Variants in PLCB1 observed in about 807,000 individuals in gnomAD.
PLCB1 encodes the protein 1-phosphatidylinositol 4,5-bisphosphate phosphodiesterase beta-1.
In PLCB1, 46 loss-of-function variants were observed where a neutral mutation model predicts 161.8. The observed-to-expected ratio is 0.28, with a 90% CI of 0.22 to 0.36. The LOEUF (loss-of-function observed/expected upper bound fraction) is 0.36. PLCB1 is among the 10% of genes least tolerant of loss of function. PLCB1 has a pLI of 1.00. For missense variants in PLCB1, 1,016 were observed against 1,472.5 expected (o/e 0.69, Z 5.07); for synonymous variants, 517 against 503.7 (o/e 1.03, Z -0.35).
intron 3 of PLCB1, among the ~76,000 whole-genome samples, chr20:8,436,180 C>CA (rs1052101226): frequency 6.6e-6 from 1 of 151,906 alleles, no homozygotes; most frequent in Admixed American, 6.6e-5. Context: ...ACTAAAAACA[C>CA]AAAAAAGTTA....
chr20:8,573,088 TAGG>T (rs1004985540), intron 3 of PLCB1, among the ~76,000 whole-genome samples: 40 of 151,962 alleles, frequency 2.6e-4, no homozygotes, highest in Middle Eastern at 3.4e-3. Flanking sequence ...GCCAGAAAAG[TAGG>T]AGGATAGCAG....
intron 11 of PLCB1, among the ~76,000 whole-genome samples, chr20:8,698,377 T>C (rs1393421651): frequency 3.3e-5 from 5 of 152,160 alleles, no homozygotes; most frequent in Non-Finnish European, 2.9e-5. Flanking sequence ...CACTATAGTA[T>C]ACATTATTTT....
At position 8,481,063 on chromosome 20, in the gene PLCB1, C is replaced by G. The variant is rs1473686; in HGVS notation, c.246+109613C>G. Among the ~76,000 whole-genome samples, 165 of 152,284 alleles carry G rather than the reference C, an allele frequency of 1.1e-3. 2 individuals are homozygous for G. The highest frequency in any genetic ancestry group is 3.6e-3 in the African/African-American group (149 of 41,550). On this transcript the variant is annotated intron_variant, in intron 3 of 31. Transcript: ENST00000338037. ...AGGTTGCAGTGAGCCAAGAGCGCACCACTGCACTCCAGCTTGGAGTAGACA... is the reference window on the plus strand; with the variant it reads ...AGGTTGCAGTGAGCCAAGAGCGCACGACTGCACTCCAGCTTGGAGTAGACA...
chr20:8,171,068 G>A (rs1365001616), intron 2 of PLCB1, among the ~76,000 whole-genome samples: 1 of 151,762 alleles, frequency 6.6e-6, no homozygotes, highest in African/African-American at 2.4e-5. Flanking sequence ...TTATATTTTC[G>A]AGTGCTTCCC....
intron 3 of PLCB1, among the ~76,000 whole-genome samples, chr20:8,617,831 A>G (rs1240269978): frequency 6.6e-6 from 1 of 152,224 alleles, no homozygotes; most frequent in African/African-American, 2.4e-5. Flanking sequence ...CGTTTGAGAA[A>G]AAAAGGTTAT....
At chr20:8,332,405 T>A (rs548823927) in intron 2 of PLCB1, among the ~76,000 whole-genome samples, 23 of 152,362 alleles carry the variant, frequency 1.5e-4, no homozygotes, top group African/African-American at 5.5e-4. Context: ...AATTTCAATG[T>A]GATGTATATT....
At chr20:8,191,964 A>G (rs1025053337) in intron 2 of PLCB1, among the ~76,000 whole-genome samples, 1 of 152,058 alleles carries the variant, frequency 6.6e-6, no homozygotes, top group African/African-American at 2.4e-5. Flanking sequence ...ATATTCAGCC[A>G]TAACTGGACC....
intron 9 of PLCB1, among the ~76,000 whole-genome samples, chr20:8,674,558 C>T (rs532953418): frequency 2.6e-5 from 4 of 152,122 alleles, no homozygotes; most frequent in African/African-American, 9.7e-5. Flanking sequence ...TTGAGTGGAC[C>T]GAGGAGGAAC....
chr20:8,154,081 C>T (rs557843330), intron 2 of PLCB1, among the ~76,000 whole-genome samples: 5 of 152,260 alleles, frequency 3.3e-5, no homozygotes, highest in African/African-American at 9.6e-5. Flanking sequence ...TAAATTTGTG[C>T]ATGTGTAACT....
At chr20:8,783,709 G>A (rs1388205590) in intron 27 of PLCB1, among the ~76,000 whole-genome samples, 1 of 152,190 alleles carries the variant, frequency 6.6e-6, no homozygotes, top group African/African-American at 2.4e-5. Flanking sequence ...GCATATTAGT[G>A]TTATTCTTTT....
chr20:8,640,945 G>A (rs1256223728), intron 4 of PLCB1, among the ~76,000 whole-genome samples: 1 of 152,072 alleles, frequency 6.6e-6, no homozygotes, highest in African/African-American at 2.4e-5. Context: ...ATTTGGCAGA[G>A]GAATGTCAAG....
chr20:8,760,672 T>C (rs1490927991), intron 25 of PLCB1, among the ~76,000 whole-genome samples: 1 of 152,240 alleles, frequency 6.6e-6, no homozygotes, highest in African/African-American at 2.4e-5. Context: ...AGAACCCTAC[T>C]GGCATAAAAA....
chr20:8,414,468 A>T (rs994063303), intron 3 of PLCB1, among the ~76,000 whole-genome samples: 2 of 152,218 alleles, frequency 1.3e-5, no homozygotes, highest in Non-Finnish European at 2.9e-5. Context: ...GATGCCTTAG[A>T]CACACCCTCC....
At chr20:8,627,430 T>A (rs915146148) in intron 3 of PLCB1, among the ~76,000 whole-genome samples, 1 of 152,232 alleles carries the variant, frequency 6.6e-6, no homozygotes, top group Non-Finnish European at 1.5e-5. Flanking sequence ...GTTGGCCCAG[T>A]ATTTAGCTAA....
intron 14 of PLCB1, among the ~76,000 whole-genome samples, chr20:8,720,887 C>A: frequency 6.7e-6 from 1 of 150,232 alleles, no homozygotes; most frequent in East Asian, 2.0e-4. Flanking sequence ...GAACTTGGGA[C>A]AAAAATTTCA....
Position 8,642,084 on chromosome 20 carries a change from T to G in PLCB1, c.385-4018T>G, listed in dbSNP as rs111604816. On this transcript the variant is annotated intron_variant, in intron 4 of 31. Transcript: ENST00000338037. Reference sequence around the variant, plus strand: ...CTTGATTTGAGTAATATTATTATGCTAGTTGTCCTAATCATGACAATATTG... The same window carrying G: ...CTTGATTTGAGTAATATTATTATGCGAGTTGTCCTAATCATGACAATATTG... Among the ~76,000 whole-genome samples the G allele has an allele frequency of 7.3e-3, 1,115 of 152,352 alleles. 16 individuals carry two copies. The highest frequency in any genetic ancestry group is 0.026 in the African/African-American group (1,066 of 41,582).
At chr20:8,634,554 G>T (rs1019180434) in intron 4 of PLCB1, among the ~76,000 whole-genome samples, 1 of 152,138 alleles carries the variant, frequency 6.6e-6, no homozygotes, top group Non-Finnish European at 1.5e-5. Context: ...GCCCTTGACA[G>T]GTCTCATGGA....
chr20:8,195,217 G>A (rs979173441), intron 2 of PLCB1, among the ~76,000 whole-genome samples: 1 of 151,922 alleles, frequency 6.6e-6, no homozygotes, highest in African/African-American at 2.4e-5. Context: ...CATGCAGAGG[G>A]ACATAATTTT....
chr20:8,404,185 T>A (rs898563824), intron 3 of PLCB1, among the ~76,000 whole-genome samples: 1 of 152,228 alleles, frequency 6.6e-6, no homozygotes, highest in Admixed American at 6.5e-5. Flanking sequence ...ATGGGTTTTG[T>A]GATTTCATGG....
Sources: gnomAD v4.1 joint callset for allele counts (sites outside exome capture counted in the v4.1 genomes callset) on GRCh38, gnomAD v4.1.1 for gene constraint, MANE v1.5 for transcripts, NCBI Gene and HGNC (gene_info 2026-07-23, HGNC 2026-07-21) for gene names.